Variants in CPNE4 observed in about 807,000 individuals in gnomAD.
The protein encoded by CPNE4 is copine-4.
CPNE4 carries 25 observed loss-of-function variants against 67.9 expected under a neutral mutation model. The ratio of observed to expected loss-of-function variants is 0.37; its 90% confidence interval spans 0.27 to 0.51. The LOEUF is 0.51. Ranked by LOEUF, CPNE4 falls within the 20% of genes least tolerant of loss-of-function variation. The pLI is 0.93. For synonymous variants in CPNE4, 242 were observed against 244.9 expected (o/e 0.99, Z 0.11); for missense variants, 464 against 690.8 (o/e 0.67, Z 3.68).
At position 131,774,088 on chromosome 3, in the gene CPNE4, G is replaced by C. The variant is rs762557261; in HGVS notation, c.181-50463C>G. 3.9e-5 allele frequency among the ~76,000 whole-genome samples: 6 copies of C among 152,122 alleles called. No individual in the cohort carries two copies. In the South Asian group the frequency reaches 1.2e-3, roughly 31 times the overall value. ...TGAGGCTTAGGATTATTAGACACTT[G>C]ATTGCCTGTTCAATAGTCATTACTC... On this transcript the variant is annotated intron_variant, in intron 2 of 15. Coordinates refer to ENST00000429747, the MANE Select transcript of CPNE4 (RefSeq NM_130808.3).
At chr3:131,734,310 T>C (rs1317210342) in intron 2 of CPNE4, among the ~76,000 whole-genome samples, 1 of 152,206 alleles carries the variant, frequency 6.6e-6, no homozygotes, top group Non-Finnish European at 1.5e-5. Flanking sequence ...ATGTATGTTC[T>C]TGATAGCGGT....
chr3:131,822,626 CAG>C (rs1318994695), intron 2 of CPNE4, among the ~76,000 whole-genome samples: 5 of 152,164 alleles, frequency 3.3e-5, no homozygotes, highest in African/African-American at 4.8e-5. Context: ...CACAATTTTA[CAG>C]AGTCAGCAGG....
chr3:131,689,099 C>T (rs370776485), intron 5 of CPNE4, among the ~76,000 whole-genome samples: 22 of 152,278 alleles, frequency 1.4e-4, no homozygotes, highest in Admixed American at 3.3e-4. Flanking sequence ...AAAATCTATA[C>T]GCAGCATACT....
At position 131,566,431 on chromosome 3, in the gene CPNE4, G is replaced by GA. The variant is rs559494454; in HGVS notation, c.928-2083dup. ...CTGAAGGTGAGAGCCAACCCACCAGGAAAAAAAAAAAAAAGTAAGACCATA... is the reference window on the plus strand; with the variant it reads ...CTGAAGGTGAGAGCCAACCCACCAGGAAAAAAAAAAAAAAAGTAAGACCATA... On this transcript the variant is annotated intron_variant, in intron 10 of 15. Transcript: ENST00000429747. Among the ~76,000 whole-genome samples, 926 of 137,104 alleles carry GA rather than the reference G, an allele frequency of 6.8e-3. 11 individuals are homozygous for GA. Among genetic ancestry groups the GA allele is most frequent in the African/African-American group, 0.018 (674 of 37,496 alleles). The allele number at this position is 137,104 out of a possible 152,430, so 89.9% of individuals were successfully genotyped here.
chr3:131,625,951 T>C (rs2079062114), intron 7 of CPNE4, among the ~76,000 whole-genome samples: 1 of 152,226 alleles, frequency 6.6e-6, no homozygotes, highest in Non-Finnish European at 1.5e-5. Flanking sequence ...TTCTCTTTAT[T>C]ATTGTACCTA....
At chr3:131,632,230 G>A (rs1185265794) in intron 7 of CPNE4, among the ~76,000 whole-genome samples, 2 of 151,818 alleles carry the variant, frequency 1.3e-5, no homozygotes, top group African/African-American at 4.8e-5. Flanking sequence ...GGCTGGTCTC[G>A]AACTCGTGAC....
chr3:131,913,133 C>A (rs555528013), intron 1 of CPNE4, among the ~76,000 whole-genome samples: 4 of 152,194 alleles, frequency 2.6e-5, no homozygotes, highest in East Asian at 3.9e-4. Flanking sequence ...GGGCTCCCCC[C>A]ACTCCATCAG....
intron 9 of CPNE4, among the ~76,000 whole-genome samples, chr3:131,577,259 A>T (rs1440269380): frequency 2.0e-5 from 3 of 152,110 alleles, no homozygotes; most frequent in Non-Finnish European, 1.5e-5. Context: ...GTTAGGAAAC[A>T]TATATCTATG....
At chr3:131,914,869 AG>A (rs1428554850) in intron 1 of CPNE4, among the ~76,000 whole-genome samples, 1 of 151,992 alleles carries the variant, frequency 6.6e-6, no homozygotes, top group East Asian at 1.9e-4. Context: ...CCAGCTACTC[AG>A]GGGGCTGAGG....
At chr3:131,682,534 G>C (rs949110508) in intron 6 of CPNE4, among the ~76,000 whole-genome samples, 3 of 152,174 alleles carry the variant, frequency 2.0e-5, no homozygotes, top group African/African-American at 7.2e-5. Context: ...TAAAGGTGGG[G>C]TGACACGAGC....
intron 1 of CPNE4, among the ~76,000 whole-genome samples, chr3:131,929,884 A>G (rs1186283062): frequency 6.6e-6 from 1 of 152,156 alleles, no homozygotes; most frequent in Admixed American, 6.5e-5. Context: ...GGAGCAGAGA[A>G]CACTTTTCAT....
chr3:131,565,404 G>A (rs1163603938), intron 10 of CPNE4, among the ~76,000 whole-genome samples: 1 of 151,886 alleles, frequency 6.6e-6, no homozygotes, highest in Non-Finnish European at 1.5e-5. Context: ...AATGTTATTT[G>A]TGTTATATTT....
intron 1 of CPNE4, among the ~76,000 whole-genome samples, chr3:131,995,015 G>GTTGT (rs766834504): frequency 2.0e-5 from 3 of 152,162 alleles, no homozygotes; most frequent in East Asian, 1.9e-4. Context: ...AAAGGGTCTT[G>GTTGT]TTGTTTGTTT....
At chr3:131,780,986 T>G (rs970231060) in intron 2 of CPNE4, among the ~76,000 whole-genome samples, 5 of 151,940 alleles carry the variant, frequency 3.3e-5, no homozygotes, top group African/African-American at 1.2e-4. Context: ...GGTCTGGAAG[T>G]AGAGGTGGTC....
chr3:131,681,386 T>A (rs992034106), intron 6 of CPNE4, among the ~76,000 whole-genome samples: 22 of 152,202 alleles, frequency 1.4e-4, no homozygotes, highest in African/African-American at 5.3e-4. Context: ...ATTAAGAATA[T>A]TTTTGCTGGA....
intron 7 of CPNE4, among the ~76,000 whole-genome samples, chr3:131,656,803 G>A (rs1291805541): frequency 6.6e-6 from 1 of 152,200 alleles, no homozygotes; most frequent in African/African-American, 2.4e-5. Context: ...CTGGAGGAAT[G>A]TATGTATGAA....
chr3:131,948,752 G>T (rs908836853), intron 1 of CPNE4, among the ~76,000 whole-genome samples: 3 of 152,172 alleles, frequency 2.0e-5, no homozygotes, highest in Admixed American at 1.3e-4. Context: ...ATTAAAAACA[G>T]TTCCTGTAGC....
intron 7 of CPNE4, among the ~76,000 whole-genome samples, chr3:131,655,413 T>A (rs2107631904): frequency 6.6e-6 from 1 of 152,170 alleles, no homozygotes; most frequent in South Asian, 2.1e-4. Context: ...CAAGAGTCAG[T>A]TTGATTATTG....
intron 3 of CPNE4, among the ~76,000 whole-genome samples, chr3:131,702,030 C>T (rs190961302): frequency 6.6e-6 from 1 of 152,018 alleles, no homozygotes; most frequent in African/African-American, 2.4e-5. Flanking sequence ...TGTGTTACAG[C>T]AATGAAAATA....
Sources: gnomAD v4.1 joint callset for allele counts (sites outside exome capture counted in the v4.1 genomes callset) on GRCh38, gnomAD v4.1.1 for gene constraint, MANE v1.5 for transcripts, NCBI Gene and HGNC (gene_info 2026-07-23, HGNC 2026-07-21) for gene names.